Variants in NRBF2 observed in about 807,000 individuals in gnomAD.
NRBF2 encodes the protein nuclear receptor-binding factor 2.
NRBF2 carries 12 observed loss-of-function variants against 28.5 expected under a neutral mutation model. The observed-to-expected ratio is 0.42, with a 90% CI of 0.27 to 0.68. The LOEUF is 0.68. NRBF2 is among the 30% of genes least tolerant of loss of function. The probability of loss-of-function intolerance (pLI) is 0.24; values close to 1 mark genes in which losing one functional copy is unlikely to be tolerated. For missense variants in NRBF2, 274 were observed against 333.5 expected, an observed-to-expected ratio of 0.82 and a Z score of 1.39; for synonymous variants, 102 against 116.5, an observed-to-expected ratio of 0.88 and a Z score of 0.80.
At position 63,154,168 on chromosome 10, in the gene NRBF2, C is replaced by A. The variant is rs1423748837; in HGVS notation, c.814C>A (p.Pro272Thr). The A allele has an allele frequency of 6.8e-6, 11 of 1,611,364 alleles. No homozygotes were observed. The highest frequency in any genetic ancestry group is 7.6e-6 in the Non-Finnish European group (9 of 1,177,784). ...PPLDFPSPEL[P>T]LMELSEDILK... ...CTTGGATTTTCCATCTCCAGAACTT[C>A]CTCTTATGGAGCTCTCTGAGGATAT... The change falls in exon 4 of 4, where the codon CCT (proline) becomes ACT (threonine). Residue 272 changes from proline to threonine, a missense_variant. Pro to Thr is a conservative substitution (Grantham distance 38). Transcript: ENST00000277746.
chr10:63,153,468 C>G, intron 3 of NRBF2, 43 bp from the exon 4 acceptor site: 1 of 1,442,476 alleles, frequency 6.9e-7, no homozygotes. Flanking sequence ...TACTAAGATA[C>G]TTAAAATATT....
rs779055403 is a variant in NRBF2 at position 63,133,389 on chromosome 10, G to T, written c.-82G>T. 6.5e-7 allele frequency: 1 copy of T among 1,548,700 alleles called. No homozygotes were observed. The highest frequency in any genetic ancestry group is 8.8e-7 in the Non-Finnish European group (1 of 1,131,048). On this transcript the variant is annotated 5_prime_UTR_variant, in exon 1 of 4. Transcript: ENST00000277746. The stretch of plus-strand genomic sequence containing the variant: ...GAGAGGGGCCGCAGTCTCCGCGGCT[G>T]CGTCGAGCTCCCTTGCAGTCCCCTC...
chr10:63,143,748 GATTT>G (rs1564530044), intron 1 of NRBF2, among the ~76,000 whole-genome samples: 1 of 125,232 alleles, frequency 8.0e-6, no homozygotes, highest in Admixed American at 8.7e-5. Context: ...CACCATGCCC[GATTT>G]TTTTTTTTTT....
intron 1 of NRBF2, among the ~76,000 whole-genome samples, chr10:63,134,361 G>A (rs1050917482): frequency 6.6e-6 from 1 of 152,184 alleles, no homozygotes; most frequent in Admixed American, 6.5e-5. Flanking sequence ...GATTACTTAA[G>A]GTTGCACACA....
intron 2 of NRBF2, among the ~76,000 whole-genome samples, chr10:63,150,092 C>G (rs1287095673): frequency 3.3e-5 from 5 of 151,592 alleles, no homozygotes; most frequent in Non-Finnish European, 7.4e-5. Context: ...CAGGTGCCTG[C>G]CACCACGCCC....
At chr10:63,136,647 A>G (rs966710510) in intron 1 of NRBF2, among the ~76,000 whole-genome samples, 3 of 152,202 alleles carry the variant, frequency 2.0e-5, no homozygotes, top group African/African-American at 4.8e-5. Context: ...ACTTAAATAC[A>G]TTATGAATCA....
At chr10:63,144,484 G>A (rs1029776718) in intron 1 of NRBF2, among the ~76,000 whole-genome samples, 2 of 147,296 alleles carry the variant, frequency 1.4e-5, no homozygotes, top group Admixed American at 1.4e-4. Flanking sequence ...GCGCGATCTC[G>A]GCTCACTGCA....
chr10:63,141,701 T>C (rs1841471458), intron 1 of NRBF2, among the ~76,000 whole-genome samples: 1 of 152,216 alleles, frequency 6.6e-6, no homozygotes, highest in Non-Finnish European at 1.5e-5. Flanking sequence ...ATGAGAAAAC[T>C]GAGGCAGATA....
At position 63,153,629 on chromosome 10, in the gene NRBF2, A is replaced by G; in HGVS notation, c.275A>G (p.Lys92Arg). 1 of 1,611,916 alleles carries G rather than the reference A, an allele frequency of 6.2e-7. No individual in the cohort carries two copies. The highest frequency in any genetic ancestry group is 8.5e-7 in the Non-Finnish European group (1 of 1,179,816). The part of the protein sequence containing the change: ...ERLKAQQNTD[K>R]DAAAHLQTSH... ...TTGAAAGCCCAGCAGAACACAGACA[A>G]GGATGCAGCTGCCCATCTTCAGACA... is the stretch of plus-strand genomic sequence containing the variant. The change falls in exon 4 of 4, where the codon AAG becomes AGG. Residue 92 changes from lysine to arginine, a missense_variant. Physicochemically the swap from Lys to Arg is conservative, Grantham distance 26. Coordinates refer to ENST00000277746, the MANE Select transcript of NRBF2 (RefSeq NM_030759.5).
At chr10:63,142,302 G>T (rs10995452) in intron 1 of NRBF2, among the ~76,000 whole-genome samples, 3,954 of 132,788 alleles carry the variant, frequency 0.03, 224 homozygotes, top group East Asian at 0.24. Flanking sequence ...TGTTTTTTTT[G>T]TTTTTTTTGT....
At chr10:63,139,244 G>A (rs557252794) in intron 1 of NRBF2, among the ~76,000 whole-genome samples, 5 of 152,176 alleles carry the variant, frequency 3.3e-5, no homozygotes, top group South Asian at 2.1e-4. Context: ...TCTTGCCCTC[G>A]TGATCTGCCC....
At chr10:63,138,508 G>C (rs1841410119) in intron 1 of NRBF2, among the ~76,000 whole-genome samples, 1 of 151,276 alleles carries the variant, frequency 6.6e-6, no homozygotes, top group Non-Finnish European at 1.5e-5. Flanking sequence ...AAATTGGGAG[G>C]CCAAGGCGGG....
At chr10:63,133,546 T>C (rs1302661590) in intron 1 of NRBF2, 46 bp downstream of exon 1, 1 of 1,447,396 alleles carries the variant, frequency 6.9e-7, no homozygotes, top group South Asian at 1.1e-5. Context: ...TGCCTTTGCC[T>C]CAGGAGCCCG....
chr10:63,145,101 C>CTT (rs34823556), intron 1 of NRBF2, among the ~76,000 whole-genome samples: 2,354 of 85,646 alleles, frequency 0.027, 23 homozygotes, highest in African/African-American at 0.031. Flanking sequence ...TATATTAAAG[C>CTT]TTTTTTTTTT....
At chr10:63,153,000 A>G (rs1213577613) in intron 3 of NRBF2, among the ~76,000 whole-genome samples, 2 of 139,790 alleles carry the variant, frequency 1.4e-5, no homozygotes, top group South Asian at 4.5e-4. Flanking sequence ...TCTAAAATAA[A>G]TATATATAAA....
chr10:63,147,720 T>G (rs547187356), intron 2 of NRBF2, among the ~76,000 whole-genome samples: 13 of 151,996 alleles, frequency 8.6e-5, no homozygotes, highest in Middle Eastern at 3.4e-3. Flanking sequence ...ACCTGTTGTC[T>G]ACATTAGGTA....
In NRBF2 at chr10:63,154,827, T is replaced by C. The variant is rs1841709027; in HGVS notation, c.*609T>C. ...CATTTTATGAAGAAAGGAACCAAAT[T>C]ATTATGCTTTTTAAAACAAATTACC... On this transcript the variant is annotated 3_prime_UTR_variant, in exon 4 of 4. Coordinates refer to ENST00000277746, the MANE Select transcript of NRBF2 (RefSeq NM_030759.5). The C allele has an allele frequency of 6.6e-6, 1 of 152,640 alleles. No individual in the cohort carries two copies. The highest frequency in any genetic ancestry group is 2.4e-5 in the African/African-American group (1 of 41,442). The allele number at this position is 152,640 out of a possible 1,614,324, so 9.5% of individuals were successfully genotyped here. A position where few individuals can be genotyped will look rare whatever the true frequency, so the allele number is the denominator to read the frequency against.
At chr10:63,139,954 A>T (rs1841436550) in intron 1 of NRBF2, among the ~76,000 whole-genome samples, 1 of 151,908 alleles carries the variant, frequency 6.6e-6, no homozygotes, top group Non-Finnish European at 1.5e-5. Context: ...TAGGCAACAT[A>T]GTGAAAACCG....
intron 2 of NRBF2, among the ~76,000 whole-genome samples, chr10:63,146,705 A>G (rs1841566912): frequency 6.6e-6 from 1 of 152,238 alleles, no homozygotes; most frequent in Non-Finnish European, 1.5e-5. Flanking sequence ...CATGCTGATA[A>G]TGCAAAACTT....
Sources: gnomAD v4.1 joint callset for allele counts (sites outside exome capture counted in the v4.1 genomes callset) on GRCh38, gnomAD v4.1.1 for gene constraint, MANE v1.5 for transcripts, NCBI Gene and HGNC (gene_info 2026-07-23, HGNC 2026-07-21) for gene names.